The following AGMO variants were observed in gnomAD, a reference collection of about 807,000 sequenced individuals.
The protein encoded by AGMO is alkylglycerol monooxygenase, also known as glyceryl-ether monooxygenase.
Under a neutral mutation model 60.2 loss-of-function variants are expected in AGMO, and 75 were observed. The observed-to-expected ratio is 1.25, with a 90% CI of 1.03 to 1.51. AGMO has a LOEUF of 1.51. AGMO is among the 40% of genes most tolerant of loss of function. The probability of loss-of-function intolerance (pLI) is 0.00; values close to 1 mark genes in which losing one functional copy is unlikely to be tolerated. For synonymous variants in AGMO, 261 were observed against 177.1 expected, an observed-to-expected ratio of 1.47 and a Z score of -3.76; for missense variants, 763 against 525.5, an observed-to-expected ratio of 1.45 and a Z score of -4.42.
At position 15,422,493 on chromosome 7, in the gene AGMO, G is replaced by A. The variant is rs142271432; in HGVS notation, c.514-3840C>T. 2.4e-3 allele frequency among the ~76,000 whole-genome samples: 366 copies of A among 152,228 alleles called. 1 individual carries two copies. The highest frequency in any genetic ancestry group is 8.3e-3 in the African/African-American group (344 of 41,548). ...TAGAGGTAAGAATGCATGTTCACTT[G>A]TGAGTTCATGAGTTTTAATTGAAAA... On this transcript the variant is annotated intron_variant, in intron 4 of 12. Coordinates refer to ENST00000342526, the MANE Select transcript of AGMO (RefSeq NM_001004320.2).
At chr7:15,434,205 C>A (rs1377665298) in intron 3 of AGMO, among the ~76,000 whole-genome samples, 1 of 152,008 alleles carries the variant, frequency 6.6e-6, no homozygotes. Flanking sequence ...CTTTTGGGAA[C>A]AGGAAAGAAG....
At chr7:15,135,088 T>C in the AGMO span, among the ~76,000 whole-genome samples, 3 of 151,182 alleles carry the variant, frequency 2.0e-5, no homozygotes, top group Non-Finnish European at 4.4e-5. Flanking sequence ...ATAACACATA[T>C]AATATATAAT....
intron 12 of AGMO, among the ~76,000 whole-genome samples, chr7:15,350,994 T>C (rs781664371): frequency 6.6e-6 from 1 of 152,158 alleles, no homozygotes; most frequent in Non-Finnish European, 1.5e-5. Flanking sequence ...AAATGCTTTT[T>C]AAGAAAATTT....
chr7:15,531,371 C>G (rs1333348392), intron 3 of AGMO, among the ~76,000 whole-genome samples: 1 of 78,492 alleles, frequency 1.3e-5, no homozygotes, highest in Non-Finnish European at 2.1e-5. Context: ...TATATATATT[C>G]TATATATATT....
chr7:15,219,795 A>C (rs547316497), intron 12 of AGMO, among the ~76,000 whole-genome samples: 1 of 152,292 alleles, frequency 6.6e-6, no homozygotes, highest in African/African-American at 2.4e-5. Context: ...AGATGGATTT[A>C]AAGGATTTGA....
At chr7:15,251,895 T>A (rs1319751344) in intron 12 of AGMO, among the ~76,000 whole-genome samples, 1 of 152,334 alleles carries the variant, frequency 6.6e-6, no homozygotes, top group East Asian at 1.9e-4. Flanking sequence ...AGAGGCATGC[T>A]AGTTATAAGA....
intron 12 of AGMO, among the ~76,000 whole-genome samples, chr7:15,254,006 C>T (rs1783022719): frequency 6.6e-6 from 1 of 151,908 alleles, no homozygotes; most frequent in Non-Finnish European, 1.5e-5. Flanking sequence ...CTAGGCTTAT[C>T]ATCCATGTAG....
At chr7:15,334,464 A>G (rs1781589897) in intron 12 of AGMO, among the ~76,000 whole-genome samples, 1 of 152,228 alleles carries the variant, frequency 6.6e-6, no homozygotes, top group Non-Finnish European at 1.5e-5. Context: ...AGGTGATTAG[A>G]AAACAGCAAT....
At chr7:15,160,214 A>T in the AGMO span, among the ~76,000 whole-genome samples, 1 of 152,112 alleles carries the variant, frequency 6.6e-6, no homozygotes, top group Non-Finnish European at 1.5e-5. Context: ...TAACATTAAC[A>T]CCTGACCTTC....
At position 15,226,240 on chromosome 7, in the gene AGMO, A is replaced by G. The variant is rs930037097; in HGVS notation, c.1264-24881T>C. Among the ~76,000 whole-genome samples the G allele has an allele frequency of 2.0e-5, 3 of 152,106 alleles. No homozygotes were observed. The East Asian group carries it at 5.8e-4, about 29-fold the overall frequency. On this transcript the variant is annotated intron_variant, in intron 12 of 12. Transcript: ENST00000342526. ...TCTGATAACAAACTCTGTATTTTAA[A>G]TATCACTGAACTAGCTCCATATCTA...
intron 12 of AGMO, chr7:15,358,297 T>G (rs1457151842): frequency 5.0e-6 from 2 of 403,776 alleles, no homozygotes; most frequent in Non-Finnish European, 1.0e-5. Context: ...ATTGGTTTCT[T>G]CTGCACATAA....
chr7:15,481,070 G>A (rs923164068), intron 3 of AGMO, among the ~76,000 whole-genome samples: 1 of 149,128 alleles, frequency 6.7e-6, no homozygotes, highest in Non-Finnish European at 1.5e-5. Context: ...TTATACATAT[G>A]ATATATATGT....
chr7:15,306,471 G>A (rs1423839124), intron 12 of AGMO: 4 of 467,718 alleles, frequency 8.6e-6, no homozygotes, highest in Non-Finnish European at 1.8e-5. Context: ...ATGCACTTTG[G>A]GGTGGTTTCC....
At chr7:15,265,437 A>C (rs1176891367) in intron 12 of AGMO, among the ~76,000 whole-genome samples, 1 of 151,994 alleles carries the variant, frequency 6.6e-6, no homozygotes, top group East Asian at 1.9e-4. Context: ...TTAATCTAGA[A>C]TACACTATTA....
intron 10 of AGMO, among the ~76,000 whole-genome samples, chr7:15,379,441 C>A: frequency 6.6e-6 from 1 of 151,954 alleles, no homozygotes; most frequent in Non-Finnish European, 1.5e-5. Context: ...TATCAATGAC[C>A]CCACAGAAGT....
At position 15,354,320 on chromosome 7, in the gene AGMO, A is replaced by C. The variant is rs866305008; in HGVS notation, c.1263+11194T>G. Among the ~76,000 whole-genome samples the C allele has an allele frequency of 1.9e-4, 14 of 73,036 alleles. 3 individuals carry two copies. Among genetic ancestry groups the C allele is most frequent in the African/African-American group, 1.2e-3 (13 of 11,082 alleles). The allele number at this position is 73,036 out of a possible 152,430, so 47.9% of individuals were successfully genotyped here. A position where few individuals can be genotyped will look rare whatever the true frequency, so the allele number is the denominator to read the frequency against. ...TATATATACGTGTATACACGCGTGTATATACGTACGCGTGTATATACACGC... is the reference window on the plus strand; with the variant it reads ...TATATATACGTGTATACACGCGTGTCTATACGTACGCGTGTATATACACGC... On this transcript the variant is annotated intron_variant, in intron 12 of 12. Transcript: ENST00000342526.
the AGMO span, among the ~76,000 whole-genome samples, chr7:15,129,642 A>AC: frequency 6.6e-6 from 1 of 152,094 alleles, no homozygotes; most frequent in African/African-American, 2.4e-5. Context: ...TTAGTGGCCC[A>AC]CCACCTGGGG....
chr7:15,366,855 G>T (rs1288713823), intron 10 of AGMO, among the ~76,000 whole-genome samples: 1 of 151,940 alleles, frequency 6.6e-6, no homozygotes, highest in Admixed American at 6.6e-5. Context: ...TTTGAGCCAA[G>T]GGAAAGAATG....
intron 5 of AGMO, among the ~76,000 whole-genome samples, chr7:15,394,423 C>T (rs924602869): frequency 2.6e-5 from 4 of 152,144 alleles, no homozygotes; most frequent in African/African-American, 7.2e-5. Context: ...AGACGACTTT[C>T]AGTTCAGCTC....
Sources: gnomAD v4.1 joint callset for allele counts (sites outside exome capture counted in the v4.1 genomes callset) on GRCh38, gnomAD v4.1.1 for gene constraint, MANE v1.5 for transcripts, NCBI Gene and HGNC (gene_info 2026-07-23, HGNC 2026-07-21) for gene names.